Variants in FRMD4B observed in about 807,000 individuals in gnomAD.
FRMD4B encodes FERM domain containing 4B, also known as FERM domain-containing protein 4B.
In FRMD4B, 74 loss-of-function variants were observed where a neutral mutation model predicts 141.5. The ratio of observed to expected loss-of-function variants is 0.52; its 90% CI spans 0.43 to 0.63. FRMD4B has a LOEUF of 0.63. Among genes scored for constraint, FRMD4B ranks in the 30% least tolerant of loss-of-function variants. The pLI is 0.00. For synonymous variants in FRMD4B, 506 were observed against 467.9 expected (o/e 1.08, Z -1.05); for missense variants, 1,366 against 1,253.4 (o/e 1.09, Z -1.36).
intron 5 of FRMD4B, among the ~76,000 whole-genome samples, chr3:69,276,201 T>C (rs1463002267): frequency 6.6e-6 from 1 of 152,232 alleles, no homozygotes; most frequent in South Asian, 2.1e-4. Context: ...TTTATAGATA[T>C]CTTTTCCTAT....
chr3:69,228,359 G>T (rs576247231), intron 7 of FRMD4B: 1 of 456,974 alleles, frequency 2.2e-6, no homozygotes, highest in South Asian at 1.5e-5. Context: ...GGCCAAGTGA[G>T]ACAGGCATTA....
intron 17 of FRMD4B, among the ~76,000 whole-genome samples, chr3:69,192,213 A>G (rs2092845577): frequency 6.6e-6 from 1 of 151,744 alleles, no homozygotes. Flanking sequence ...GTGAAACCCC[A>G]TGTCTACAAA....
At chr3:69,480,153 T>C (rs562798903) in intron 1 of FRMD4B, among the ~76,000 whole-genome samples, 1 of 152,352 alleles carries the variant, frequency 6.6e-6, no homozygotes, top group African/African-American at 2.4e-5. Context: ...TTGGTTTGAA[T>C]TTCCTCCTGT....
At chr3:69,517,209 C>T (rs1498856) in intron 1 of FRMD4B, among the ~76,000 whole-genome samples, 84,438 of 152,012 alleles carry the variant, frequency 0.56, 24,171 homozygotes, top group African/African-American at 0.71. Context: ...AGTTTATACA[C>T]TAACTGACAT....
intron 19 of FRMD4B, among the ~76,000 whole-genome samples, chr3:69,187,294 C>T (rs899775569): frequency 1.3e-5 from 2 of 151,724 alleles, no homozygotes; most frequent in Non-Finnish European, 2.9e-5. Flanking sequence ...ACTTGTAATC[C>T]CAGCACTTTG....
chr3:69,417,505 C>T (rs139307007), intron 2 of FRMD4B, among the ~76,000 whole-genome samples: 1,588 of 152,232 alleles, frequency 0.01, 27 homozygotes, highest in African/African-American at 0.035. Flanking sequence ...TGCCTGTTTA[C>T]TCTGATGATA....
At chr3:69,189,093 A>G (rs1408248334) in intron 18 of FRMD4B, among the ~76,000 whole-genome samples, 3 of 150,472 alleles carry the variant, frequency 2.0e-5, no homozygotes, top group African/African-American at 4.9e-5. Flanking sequence ...GTGGTGCCCA[A>G]TGCCTGTAAT....
intron 11 of FRMD4B, among the ~76,000 whole-genome samples, chr3:69,214,089 C>T (rs929036440): frequency 6.6e-6 from 1 of 152,054 alleles, no homozygotes; most frequent in African/African-American, 2.4e-5. Context: ...CTAATCTACC[C>T]TTTTGTGTTA....
At chr3:69,255,816 G>T (rs2093488971) in intron 5 of FRMD4B, among the ~76,000 whole-genome samples, 1 of 152,174 alleles carries the variant, frequency 6.6e-6, no homozygotes, top group Non-Finnish European at 1.5e-5. Context: ...AAGTTGGGAA[G>T]ATGTGATCTA....
chr3:69,246,062 C>T (rs985556399), intron 7 of FRMD4B, among the ~76,000 whole-genome samples: 1 of 152,050 alleles, frequency 6.6e-6, no homozygotes, highest in African/African-American at 2.4e-5. Context: ...GTCTCGAATT[C>T]CCGACCTCAG....
At chr3:69,343,063 C>T (rs894383294) in intron 1 of FRMD4B, among the ~76,000 whole-genome samples, 1 of 151,978 alleles carries the variant, frequency 6.6e-6, no homozygotes, top group African/African-American at 2.4e-5. Flanking sequence ...AAGCAATCTT[C>T]CTGCTTCAAC....
At chr3:69,254,946 A>G (rs927172679) in intron 5 of FRMD4B, among the ~76,000 whole-genome samples, 5 of 152,186 alleles carry the variant, frequency 3.3e-5, no homozygotes, top group Non-Finnish European at 7.3e-5. Context: ...CATCTGGCTC[A>G]TGCTCTTCCA....
At chr3:69,440,086 T>G (rs575856891) in intron 1 of FRMD4B, among the ~76,000 whole-genome samples, 2 of 152,326 alleles carry the variant, frequency 1.3e-5, no homozygotes, top group South Asian at 4.2e-4. Context: ...TTTGATATAG[T>G]GAAATTCATC....
At chr3:69,515,340 C>T (rs1014283606) in intron 1 of FRMD4B, among the ~76,000 whole-genome samples, 15 of 152,090 alleles carry the variant, frequency 9.9e-5, no homozygotes, top group African/African-American at 3.4e-4. Flanking sequence ...TTGGGTGGGG[C>T]CACAGATTCA....
chr3:69,270,987 T>G (rs1410549625), intron 5 of FRMD4B, among the ~76,000 whole-genome samples: 1 of 152,220 alleles, frequency 6.6e-6, no homozygotes, highest in Non-Finnish European at 1.5e-5. Flanking sequence ...TTATAAAATG[T>G]TGTATTTTCA....
At chr3:69,447,169 GA>G (rs1418970634) in intron 1 of FRMD4B, among the ~76,000 whole-genome samples, 12 of 152,200 alleles carry the variant, frequency 7.9e-5, no homozygotes, top group African/African-American at 2.9e-4. Flanking sequence ...GAGTGGTAGT[GA>G]CAGCAAATTT....
chr3:69,330,297 A>G (rs1432794963), intron 1 of FRMD4B, among the ~76,000 whole-genome samples: 1 of 82,454 alleles, frequency 1.2e-5, no homozygotes, highest in Non-Finnish European at 2.6e-5. Flanking sequence ...TTTTAATATT[A>G]TATATATTCA....
intron 1 of FRMD4B, among the ~76,000 whole-genome samples, chr3:69,455,360 C>G (rs528560531): frequency 6.6e-6 from 1 of 152,224 alleles, no homozygotes; most frequent in Non-Finnish European, 1.5e-5. Context: ...TTTGGGTCTG[C>G]ACTGCCTTTA....
At chr3:69,438,072 ATAT>A (rs1347121931) in intron 1 of FRMD4B, among the ~76,000 whole-genome samples, 11 of 146,656 alleles carry the variant, frequency 7.5e-5, no homozygotes, top group African/African-American at 2.2e-4. Context: ...ATTACATAAT[ATAT>A]TATTATCTAT....
Sources: allele counts gnomAD v4.1 joint callset (sites outside exome capture counted in the v4.1 genomes callset), GRCh38; gene constraint gnomAD v4.1.1; transcripts MANE v1.5; gene names NCBI Gene and HGNC (gene_info 2026-07-23, HGNC 2026-07-21).